The following DNAJC1 variants were observed in gnomAD, a reference collection of about 807,000 sequenced individuals.
DNAJC1 encodes the protein dnaJ homolog subfamily C member 1.
A neutral mutation model predicts 76.6 loss-of-function variants in DNAJC1; 58 were observed. The ratio of observed to expected loss-of-function variants is 0.76; its 90% confidence interval spans 0.61 to 0.94. The LOEUF (loss-of-function observed/expected upper bound fraction) is 0.94. Ranked by LOEUF, DNAJC1 falls within the 40% of genes least tolerant of loss-of-function variation. The pLI is 0.00. For missense variants in DNAJC1, 689 were observed against 677.3 expected, an observed-to-expected ratio of 1.02 and a Z score of -0.19; for synonymous variants, 258 against 267.9, an observed-to-expected ratio of 0.96 and a Z score of 0.36.
chr10:21,958,005 T>G (rs917658047), intron 1 of DNAJC1, among the ~76,000 whole-genome samples: 2 of 152,186 alleles, frequency 1.3e-5, no homozygotes, highest in Admixed American at 6.5e-5. Context: ...TACTGTAATA[T>G]TCAGTTTCAT....
chr10:21,984,218 C>T (rs948902347), intron 1 of DNAJC1, among the ~76,000 whole-genome samples: 2 of 151,950 alleles, frequency 1.3e-5, no homozygotes, highest in Non-Finnish European at 2.9e-5. Flanking sequence ...TAGGTAAGAA[C>T]GGTATATCAG....
intron 1 of DNAJC1, among the ~76,000 whole-genome samples, chr10:21,994,917 TTATA>T (rs1838391130): frequency 1.4e-5 from 2 of 148,012 alleles, no homozygotes; most frequent in African/African-American, 2.5e-5. Context: ...TATATTTATA[TTATA>T]TATACTTATA....
chr10:21,941,928 T>C (rs1296769898), intron 1 of DNAJC1, among the ~76,000 whole-genome samples: 1 of 152,142 alleles, frequency 6.6e-6, no homozygotes, highest in East Asian at 1.9e-4. Context: ...GTAACCACTA[T>C]GTAACAGAAA....
At chr10:21,870,960 C>CAAAGGAAT (rs1283682014) in intron 8 of DNAJC1, among the ~76,000 whole-genome samples, 1 of 151,792 alleles carries the variant, frequency 6.6e-6, no homozygotes, top group Non-Finnish European at 1.5e-5. Context: ...CTAGAAGGAA[C>CAAAGGAAT]AGAATGAACT....
intron 9 of DNAJC1, among the ~76,000 whole-genome samples, chr10:21,793,704 G>A (rs1834719589): frequency 6.6e-6 from 1 of 152,136 alleles, no homozygotes; most frequent in Non-Finnish European, 1.5e-5. Context: ...CCAACACTTT[G>A]AGAGGTCAAG....
At chr10:21,997,397 C>T (rs965735415) in intron 1 of DNAJC1, among the ~76,000 whole-genome samples, 2 of 152,234 alleles carry the variant, frequency 1.3e-5, no homozygotes, top group African/African-American at 4.8e-5. Flanking sequence ...ACATTCTAGA[C>T]TTTGAGACAG....
intron 1 of DNAJC1, among the ~76,000 whole-genome samples, chr10:21,957,747 C>G (rs1837714964): frequency 2.0e-5 from 3 of 152,182 alleles, no homozygotes. Context: ...ATACATTCTT[C>G]TTCAAAGCCT....
intron 8 of DNAJC1, among the ~76,000 whole-genome samples, chr10:21,819,781 T>G (rs916091453): frequency 3.3e-5 from 5 of 151,910 alleles, no homozygotes; most frequent in African/African-American, 9.7e-5. Flanking sequence ...AATACAAAAA[T>G]TAGCAGGGCA....
At chr10:21,826,976 T>TC (rs1013378445) in intron 8 of DNAJC1, among the ~76,000 whole-genome samples, 4 of 151,996 alleles carry the variant, frequency 2.6e-5, no homozygotes, top group Non-Finnish European at 5.9e-5. Flanking sequence ...TTTTTTTTTT[T>TC]CCTTTTGGAT....
At chr10:21,842,693 A>G (rs1226928917) in intron 8 of DNAJC1, among the ~76,000 whole-genome samples, 2 of 152,246 alleles carry the variant, frequency 1.3e-5, no homozygotes, top group African/African-American at 2.4e-5. Context: ...AGGAGTAAAT[A>G]TGGAGGATGA....
intron 9 of DNAJC1, among the ~76,000 whole-genome samples, chr10:21,803,386 A>C (rs1834836142): frequency 6.6e-6 from 1 of 152,164 alleles, no homozygotes. Context: ...ATAATCGAAT[A>C]CTTAATGAAA....
chr10:21,868,147 G>A (rs1212182869), intron 8 of DNAJC1, among the ~76,000 whole-genome samples: 43 of 125,808 alleles, frequency 3.4e-4, no homozygotes, highest in African/African-American at 1.2e-3. Flanking sequence ...TTTTTGAGAC[G>A]GAGTTTCGCT....
intron 9 of DNAJC1, among the ~76,000 whole-genome samples, chr10:21,768,498 G>A (rs1369374147): frequency 3.3e-5 from 5 of 152,052 alleles, no homozygotes; most frequent in Non-Finnish European, 7.4e-5. Context: ...TGCCTCTTAC[G>A]GATGTTTTCA....
At chr10:21,793,383 T>C (rs1340945824) in intron 9 of DNAJC1, among the ~76,000 whole-genome samples, 1 of 152,198 alleles carries the variant, frequency 6.6e-6, no homozygotes, top group Non-Finnish European at 1.5e-5. Flanking sequence ...AGACTGAATG[T>C]CTTCCCTCCA....
intron 8 of DNAJC1, among the ~76,000 whole-genome samples, chr10:21,863,499 T>C (rs981203065): frequency 2.0e-5 from 3 of 152,050 alleles, no homozygotes; most frequent in African/African-American, 7.3e-5. Flanking sequence ...ATGTGTTCTA[T>C]AAGGTCAATA....
rs529206381 is a variant in DNAJC1 at position 21,905,230 on chromosome 10, C to A, written c.730-618G>T. Reference sequence around the variant, plus strand: ...CAGTGACTGAAGTCTCAATGAGTGGCACACAGGTAAGGCTTTAGTGGTGTA... The same window carrying A: ...CAGTGACTGAAGTCTCAATGAGTGGAACACAGGTAAGGCTTTAGTGGTGTA... On this transcript the variant is annotated intron_variant, in intron 6 of 11. Transcript: ENST00000376980. Among the ~76,000 whole-genome samples the A allele has an allele frequency of 3.5e-4, 53 of 149,968 alleles. 1 individual carries two copies. The highest frequency in any genetic ancestry group is 1.2e-3 in the African/African-American group (50 of 40,698).
At chr10:21,988,316 T>C (rs1838278917) in intron 1 of DNAJC1, among the ~76,000 whole-genome samples, 1 of 152,096 alleles carries the variant, frequency 6.6e-6, no homozygotes, top group South Asian at 2.1e-4. Context: ...TACACTACTG[T>C]TCTTTTCCAT....
intron 8 of DNAJC1, among the ~76,000 whole-genome samples, chr10:21,850,981 C>T (rs1326293472): frequency 6.6e-6 from 1 of 152,022 alleles, no homozygotes; most frequent in Non-Finnish European, 1.5e-5. Flanking sequence ...AAGCAGGACC[C>T]ATAACTCACA....
In DNAJC1 at chr10:21,838,173, C is replaced by T. The variant is rs1234171142; in HGVS notation, c.979-32074G>A. Among the ~76,000 whole-genome samples the T allele has an allele frequency of 3.9e-5, 6 of 151,924 alleles. No individual in the cohort carries two copies. In the East Asian group the frequency reaches 5.8e-4, roughly 15 times the overall value. ...GCCAAGATGACGATGGCGGTTTTGTCGAATAGAAAAGGGGGAAATGTGGGG... is the reference window on the plus strand; with the variant it reads ...GCCAAGATGACGATGGCGGTTTTGTTGAATAGAAAAGGGGGAAATGTGGGG... On this transcript the variant is annotated intron_variant, in intron 8 of 11. Coordinates refer to ENST00000376980, the MANE Select transcript of DNAJC1 (RefSeq NM_022365.4).
Sources: allele counts gnomAD v4.1 joint callset (sites outside exome capture counted in the v4.1 genomes callset), GRCh38; gene constraint gnomAD v4.1.1; transcripts MANE v1.5; gene names NCBI Gene and HGNC (gene_info 2026-07-23, HGNC 2026-07-21).